The following SH3BGRL variants were observed in gnomAD, a reference collection of about 807,000 sequenced individuals.
SH3BGRL encodes SH3 domain binding glutamate rich protein like, also known as adapter SH3BGRL.
Under a neutral mutation model 9.8 loss-of-function variants are expected in SH3BGRL, and 7 were observed. The ratio of observed to expected loss-of-function variants is 0.72; its 90% confidence interval spans 0.41 to 1.35. SH3BGRL has a LOEUF of 1.35. Ranked by LOEUF, SH3BGRL falls within the 40% of genes most tolerant of loss-of-function variation. SH3BGRL has a pLI of 0.01. For synonymous variants in SH3BGRL, 36 were observed against 29.1 expected (o/e 1.24, Z -0.76); for missense variants, 73 against 84.4 (o/e 0.86, Z 0.53).
rs1369866790 is a variant in SH3BGRL, at chrX:81,276,763, G to GA, written c.46-211dup. Among the ~76,000 whole-genome samples the GA allele has an allele frequency of 1.6e-4, 17 of 104,742 alleles. No individual in the cohort carries two copies. The East Asian group carries it at 2.1e-3, about 13-fold the overall frequency. The allele number at this position is 104,742 out of a possible 115,157, so 91.0% of individuals were successfully genotyped here. On this transcript the variant is annotated intron_variant, in intron 1 of 3. Transcript: ENST00000373212. ...CATTAAATAATGAAAATTTTCAATG[G>GA]AAAAAAAAAAGAGAAATTCAACTTG...
chrX:81,284,990 A>G (rs1208965187), intron 3 of SH3BGRL, among the ~76,000 whole-genome samples: 2 of 111,043 alleles, frequency 1.8e-5, no homozygotes, highest in African/African-American at 6.5e-5. Flanking sequence ...AGGACCTGAT[A>G]GACTGGGTTA....
At chrX:81,262,281 A>G (rs961340592) in intron 1 of SH3BGRL, among the ~76,000 whole-genome samples, 3 of 111,487 alleles carry the variant, frequency 2.7e-5, no homozygotes, top group Non-Finnish European at 3.8e-5. Flanking sequence ...AGACACTACT[A>G]TAACCAGTTA....
intron 1 of SH3BGRL, among the ~76,000 whole-genome samples, chrX:81,236,900 G>GGAGAGA (rs3051997): frequency 2.1e-5 from 2 of 97,376 alleles, no homozygotes; most frequent in African/African-American, 3.7e-5. Context: ...AGAGGCTGAG[G>GGAGAGA]GAGAGAGAGA....
intron 1 of SH3BGRL, among the ~76,000 whole-genome samples, chrX:81,242,242 GA>G (rs1360180281): frequency 1.8e-5 from 2 of 111,580 alleles, no homozygotes; most frequent in Non-Finnish European, 3.8e-5. Flanking sequence ...ACAGACTAGA[GA>G]ACCCTGAAAC....
intron 1 of SH3BGRL, among the ~76,000 whole-genome samples, chrX:81,218,489 T>A (rs1449618933): frequency 9.1e-6 from 1 of 109,431 alleles, no homozygotes; most frequent in African/African-American, 3.3e-5. Flanking sequence ...TATCTGTCCT[T>A]CATTTATGAA....
chrX:81,275,812 C>T (rs567433722), intron 1 of SH3BGRL, among the ~76,000 whole-genome samples: 1 of 111,423 alleles, frequency 9.0e-6, no homozygotes, highest in South Asian at 3.8e-4. Flanking sequence ...AATTATTTTC[C>T]CGAGTTTATG....
At chrX:81,207,713 C>T (rs1411152105) in intron 1 of SH3BGRL, among the ~76,000 whole-genome samples, 1 of 111,949 alleles carries the variant, frequency 8.9e-6, no homozygotes, top group East Asian at 2.8e-4. Flanking sequence ...CTGGGACATA[C>T]TTTTTGGAGG....
chrX:81,287,186 A>C lies in SH3BGRL; in HGVS notation c.312+8775A>C, dbSNP rs749971411. On this transcript the variant is annotated intron_variant, in intron 3 of 3. Transcript: ENST00000373212. The stretch of plus-strand genomic sequence containing the variant: ...TGAAGAAAACAATACAAAATGAAAG[A>C]AAACGTTGGTATTTTGAAAAGTTAA... 4.5e-5 allele frequency among the ~76,000 whole-genome samples: 5 copies of C among 111,948 alleles called. No individual in the cohort carries two copies. In the South Asian group the frequency reaches 1.8e-3, roughly 41 times the overall value.
At chrX:81,278,726 G>C (rs1490219364) in intron 3 of SH3BGRL, among the ~76,000 whole-genome samples, 2 of 111,802 alleles carry the variant, frequency 1.8e-5, no homozygotes, top group South Asian at 3.7e-4. Flanking sequence ...CAGCTGTCCT[G>C]CATGGTTCTA....
At chrX:81,291,595 C>A (rs1355478838) in intron 3 of SH3BGRL, among the ~76,000 whole-genome samples, 1 of 111,903 alleles carries the variant, frequency 8.9e-6, no homozygotes, top group African/African-American at 3.3e-5. Context: ...TTGCAAAATA[C>A]TGTCATCTCT....
At chrX:81,252,179 C>A (rs1188985473) in intron 1 of SH3BGRL, among the ~76,000 whole-genome samples, 2 of 111,752 alleles carry the variant, frequency 1.8e-5, no homozygotes, top group East Asian at 5.6e-4. Context: ...AACAAAGAAA[C>A]ATTCCTGAGA....
chrX:81,271,055 A>T lies in SH3BGRL; in HGVS notation c.46-5929A>T, dbSNP rs563150246. On this transcript the variant is annotated intron_variant, in intron 1 of 3. Transcript: ENST00000373212. Reference sequence around the variant, plus strand: ...CCGTGGGCATGGGATCTACCAAGCCAGGCATGGGAGGGGATCTCCTGGTCG... The same window carrying T: ...CCGTGGGCATGGGATCTACCAAGCCTGGCATGGGAGGGGATCTCCTGGTCG... Among the ~76,000 whole-genome samples, 9 of 112,416 alleles carry T rather than the reference A, an allele frequency of 8.0e-5. No individual in the cohort carries two copies. In the South Asian group the frequency reaches 2.6e-3, roughly 32 times the overall value.
At chrX:81,257,918 A>T (rs766479911) in intron 1 of SH3BGRL, among the ~76,000 whole-genome samples, 11 of 110,804 alleles carry the variant, frequency 9.9e-5, no homozygotes, top group African/African-American at 3.6e-4. Flanking sequence ...AATTCTGTAA[A>T]GCTATATAAC....
Position 81,208,745 on chromosome X carries a change from T to C in SH3BGRL, c.45+6500T>C, listed in dbSNP as rs991965716. ...GGTTCATTTATGATGACTGTTTTCATTAATATGAGAGACAAACCTGACCTT... is the reference window on the plus strand; with the variant it reads ...GGTTCATTTATGATGACTGTTTTCACTAATATGAGAGACAAACCTGACCTT... On this transcript the variant is annotated intron_variant, in intron 1 of 3. Coordinates refer to ENST00000373212, the MANE Select transcript of SH3BGRL (RefSeq NM_003022.3). 1.3e-4 allele frequency among the ~76,000 whole-genome samples: 14 copies of C among 111,598 alleles called. No individual in the cohort carries two copies. The Admixed American group carries it at 1.3e-3, about 11-fold the overall frequency.
At chrX:81,213,785 T>C (rs1335625452) in intron 1 of SH3BGRL, among the ~76,000 whole-genome samples, 2 of 112,219 alleles carry the variant, frequency 1.8e-5, no homozygotes, top group Non-Finnish European at 3.8e-5. Flanking sequence ...TTTAAATAAA[T>C]ATTTTTTCAC....
At chrX:81,296,562 ATGT>A (rs1189939746) in intron 3 of SH3BGRL, among the ~76,000 whole-genome samples, 3 of 111,155 alleles carry the variant, frequency 2.7e-5, no homozygotes, top group Non-Finnish European at 5.7e-5. Context: ...GTTTAGAATG[ATGT>A]TGTCTACCAC....
At chrX:81,257,178 A>G in intron 1 of SH3BGRL, among the ~76,000 whole-genome samples, 1 of 111,696 alleles carries the variant, frequency 9.0e-6, no homozygotes, top group Non-Finnish European at 1.9e-5. Context: ...GCAGTGCAAT[A>G]GGCACATTGC....
intron 1 of SH3BGRL, among the ~76,000 whole-genome samples, chrX:81,237,795 C>T (rs1321655122): frequency 9.4e-6 from 1 of 106,757 alleles, no homozygotes; most frequent in Non-Finnish European, 1.9e-5. Flanking sequence ...CTCCTTTAAC[C>T]TTAGGTTGCA....
chrX:81,237,008 A>C, intron 1 of SH3BGRL: 2 of 608,576 alleles, frequency 3.3e-6, no homozygotes, highest in Non-Finnish European at 4.4e-6. Flanking sequence ...AAGCAGGCAC[A>C]GTCTAAAGAC....
Sources: gnomAD v4.1 joint callset for allele counts (sites outside exome capture counted in the v4.1 genomes callset) on GRCh38, gnomAD v4.1.1 for gene constraint, MANE v1.5 for transcripts, NCBI Gene and HGNC (gene_info 2026-07-23, HGNC 2026-07-21) for gene names.